The following PDE7B variants were observed in gnomAD, a reference collection of about 807,000 sequenced individuals.
The protein encoded by PDE7B is phosphodiesterase 7B.
A neutral mutation model predicts 56.2 loss-of-function variants in PDE7B; 29 were observed. The observed-to-expected ratio is 0.52, with a 90% CI of 0.38 to 0.70. The LOEUF (loss-of-function observed/expected upper bound fraction) is 0.70, where lower values mean the gene tolerates loss of function less well. Ranked by LOEUF, PDE7B falls within the 30% of genes least tolerant of loss-of-function variation. The pLI is 0.00. For missense variants in PDE7B, 490 were observed against 565.0 expected (o/e 0.87, Z 1.35); for synonymous variants, 197 against 196.9 (o/e 1.00, Z 0.00).
At chr6:136,025,299 C>A (rs1776132661) in intron 2 of PDE7B, among the ~76,000 whole-genome samples, 1 of 152,066 alleles carries the variant, frequency 6.6e-6, no homozygotes, top group African/African-American at 2.4e-5. Flanking sequence ...ACAGAATATA[C>A]CAAATTTCCA....
At chr6:136,099,871 T>A (rs1777532562) in intron 2 of PDE7B, among the ~76,000 whole-genome samples, 1 of 152,258 alleles carries the variant, frequency 6.6e-6, no homozygotes, top group Non-Finnish European at 1.5e-5. Context: ...TAAATGGTAT[T>A]GCCTAGGTTT....
rs573554464 is a variant in PDE7B, at chr6:136,176,213, GT to G, written c.803+2330del. On this transcript the variant is annotated intron_variant, in intron 9 of 12. Coordinates refer to ENST00000308191, the MANE Select transcript of PDE7B (RefSeq NM_018945.4). ...TTATATGTGGTAAATATTACTTGAA[GT>G]TTTTAGTTTGCCTTTTGATTCATGA... is the stretch of plus-strand genomic sequence containing the variant. Among the ~76,000 whole-genome samples, 29 of 152,028 alleles carry G rather than the reference GT, an allele frequency of 1.9e-4. No individual in the cohort carries two copies. The East Asian group carries it at 5.2e-3, about 27-fold the overall frequency.
At chr6:135,881,877 A>T (rs919473087) in intron 1 of PDE7B, among the ~76,000 whole-genome samples, 27 of 151,314 alleles carry the variant, frequency 1.8e-4, no homozygotes, top group African/African-American at 4.6e-4. Context: ...CACATTATTT[A>T]AAAAAAAACA....
At chr6:136,152,896 C>T (rs950709126) in intron 6 of PDE7B, among the ~76,000 whole-genome samples, 5 of 152,192 alleles carry the variant, frequency 3.3e-5, no homozygotes, top group Non-Finnish European at 4.4e-5. Flanking sequence ...AATCCTTACT[C>T]CACTTTGAGC....
At chr6:136,012,889 AC>A (rs1775916755) in intron 2 of PDE7B, among the ~76,000 whole-genome samples, 1 of 152,210 alleles carries the variant, frequency 6.6e-6, no homozygotes, top group African/African-American at 2.4e-5. Flanking sequence ...TCAAACATGA[AC>A]TTTTTTCTGT....
At chr6:135,896,558 G>A (rs968399897) in intron 1 of PDE7B, among the ~76,000 whole-genome samples, 1 of 152,056 alleles carries the variant, frequency 6.6e-6, no homozygotes, top group Non-Finnish European at 1.5e-5. Context: ...TGTGTTAGGT[G>A]TTTTACATAT....
intron 8 of PDE7B, among the ~76,000 whole-genome samples, chr6:136,173,293 A>G (rs1437570517): frequency 6.6e-6 from 1 of 152,214 alleles, no homozygotes; most frequent in Non-Finnish European, 1.5e-5. Flanking sequence ...TGGTACTGGT[A>G]CCAAAACAGA....
At chr6:136,048,938 T>C (rs1035858155) in intron 2 of PDE7B, 11 of 152,290 alleles carry the variant, frequency 7.2e-5, no homozygotes, top group African/African-American at 2.6e-4. Flanking sequence ...CATGGTATCA[T>C]CCTATCATGA....
chr6:136,179,112 G>A lies in PDE7B; in HGVS notation c.919G>A (p.Asp307Asn), dbSNP rs144731926. ...HLHNKDLRLE[D>N]AQDRHFMLQI... ...CCACAATAAAGACTTAAGACTGGAG[G>A]ATGCACAGGACAGGCACTTTATGCT... The change falls in exon 10 of 13, where the codon GAT becomes AAT. Residue 307 changes from aspartate (D) to asparagine (N), a missense_variant. Physicochemically the swap from Asp to Asn is conservative, Grantham distance 23. Transcript: ENST00000308191. 1.2e-6 allele frequency: 2 copies of A among 1,613,934 alleles called. No individual in the cohort carries two copies. The highest frequency in any genetic ancestry group is 1.7e-6 in the Non-Finnish European group (2 of 1,179,940).
At chr6:136,107,534 C>G (rs978802982) in intron 2 of PDE7B, among the ~76,000 whole-genome samples, 4 of 152,146 alleles carry the variant, frequency 2.6e-5, no homozygotes, top group African/African-American at 7.2e-5. Flanking sequence ...ATGCATGATC[C>G]CTGCTTTGCA....
intron 1 of PDE7B, among the ~76,000 whole-genome samples, chr6:135,920,448 A>G (rs188277157): frequency 4.6e-5 from 7 of 152,294 alleles, no homozygotes; most frequent in Non-Finnish European, 8.8e-5. Context: ...ATCTAGGTAT[A>G]CATGACCCTC....
chr6:136,154,493 G>A lies in PDE7B; in HGVS notation c.579+318G>A, dbSNP rs927453787. ...TTCAACAGTCCATAGAACTAGCTCC[G>A]TGCCTTAGATCTTTGCCACAAACAG... On this transcript the variant is annotated intron_variant, in intron 7 of 12. Transcript: ENST00000308191. 7.3e-5 allele frequency among the ~76,000 whole-genome samples: 11 copies of A among 150,944 alleles called. No individual in the cohort carries two copies. In the South Asian group the frequency reaches 1.1e-3, roughly 14 times the overall value.
Position 135,900,843 on chromosome 6 carries a change from C to G in PDE7B, c.22-46621C>G, listed in dbSNP as rs115848347. On this transcript the variant is annotated intron_variant, in intron 1 of 12. Coordinates refer to ENST00000308191, the MANE Select transcript of PDE7B (RefSeq NM_018945.4). ...TCACTTATTTCAGTGTTGATCGTGG[C>G]AGATTCTCCTAGCCCCCTGTCCAGT... Among the ~76,000 whole-genome samples, 932 of 151,926 alleles carry G rather than the reference C, an allele frequency of 6.1e-3. 8 individuals carry two copies. Among genetic ancestry groups the G allele is most frequent in the African/African-American group, 0.02 (848 of 41,412 alleles).
intron 2 of PDE7B, among the ~76,000 whole-genome samples, chr6:136,015,725 C>A (rs1458243694): frequency 6.6e-6 from 1 of 151,986 alleles, no homozygotes; most frequent in Non-Finnish European, 1.5e-5. Flanking sequence ...TCCTTCCATT[C>A]TTGGTGCAAT....
chr6:135,880,520 C>T (rs917944697), intron 1 of PDE7B, among the ~76,000 whole-genome samples: 1 of 152,064 alleles, frequency 6.6e-6, no homozygotes, highest in Non-Finnish European at 1.5e-5. Context: ...AGTCTGATGG[C>T]TGGGAGGAGG....
At chr6:135,875,394 C>T (rs1775473183) in intron 1 of PDE7B, among the ~76,000 whole-genome samples, 1 of 151,842 alleles carries the variant, frequency 6.6e-6, no homozygotes, top group Non-Finnish European at 1.5e-5. Context: ...ACATTTTTAG[C>T]ATTTTATACT....
intron 3 of PDE7B, among the ~76,000 whole-genome samples, chr6:136,120,277 C>T (rs550453122): frequency 6.6e-6 from 1 of 152,082 alleles, no homozygotes; most frequent in Admixed American, 6.6e-5. Flanking sequence ...TACTGAGCTC[C>T]CCCTACAATG....
At chr6:135,905,713 C>G (rs938999889) in intron 1 of PDE7B, among the ~76,000 whole-genome samples, 5 of 152,180 alleles carry the variant, frequency 3.3e-5, no homozygotes, top group African/African-American at 1.2e-4. Flanking sequence ...GTTTCTCTTT[C>G]TTTCTCTGTG....
At chr6:136,180,026 T>C (rs1390340312) in intron 10 of PDE7B, among the ~76,000 whole-genome samples, 1 of 152,200 alleles carries the variant, frequency 6.6e-6, no homozygotes, top group Non-Finnish European at 1.5e-5. Context: ...CTTGTCTTCC[T>C]TCTTTTCTTT....
Sources: gnomAD v4.1 joint callset for allele counts (sites outside exome capture counted in the v4.1 genomes callset) on GRCh38, gnomAD v4.1.1 for gene constraint, MANE v1.5 for transcripts, NCBI Gene and HGNC (gene_info 2026-07-23, HGNC 2026-07-21) for gene names.